NKAIN2: variants seen among roughly 807,000 people sequenced by gnomAD.
NKAIN2 encodes sodium/potassium-transporting ATPase subunit beta-1-interacting protein 2.
Under a neutral mutation model 32.6 loss-of-function variants are expected in NKAIN2, and 14 were observed. The ratio of observed to expected loss-of-function variants is 0.43; its 90% CI spans 0.28 to 0.67. The LOEUF (loss-of-function observed/expected upper bound fraction) is 0.67. NKAIN2 is among the 30% of genes least tolerant of loss of function. NKAIN2 has a pLI of 0.17. For missense variants in NKAIN2, 198 were observed against 258.3 expected, an observed-to-expected ratio of 0.77 and a Z score of 1.60; for synonymous variants, 80 against 87.2, an observed-to-expected ratio of 0.92 and a Z score of 0.46.
intron 1 of NKAIN2, among the ~76,000 whole-genome samples, chr6:124,127,386 C>G (rs1786226170): frequency 6.6e-6 from 1 of 152,124 alleles, no homozygotes; most frequent in Non-Finnish European, 1.5e-5. Context: ...TTCTTAGAAC[C>G]TGCTTCATGA....
At chr6:124,450,946 A>G (rs1479921980) in intron 3 of NKAIN2, among the ~76,000 whole-genome samples, 1 of 152,102 alleles carries the variant, frequency 6.6e-6, no homozygotes, top group Non-Finnish European at 1.5e-5. Flanking sequence ...AGATAATGTA[A>G]AAGTCAGTAA....
intron 4 of NKAIN2, among the ~76,000 whole-genome samples, chr6:124,704,907 T>G (rs990938930): frequency 6.6e-6 from 1 of 151,942 alleles, no homozygotes; most frequent in Non-Finnish European, 1.5e-5. Flanking sequence ...GAAAAACCAA[T>G]TAACAATAAA....
At chr6:123,979,874 A>G (rs1378451050) in intron 1 of NKAIN2, among the ~76,000 whole-genome samples, 1 of 147,906 alleles carries the variant, frequency 6.8e-6, no homozygotes, top group Non-Finnish European at 1.5e-5. Flanking sequence ...GTTTGTGTCT[A>G]CCTTGTTTTT....
At chr6:124,276,598 T>G (rs1226757271) in intron 1 of NKAIN2, among the ~76,000 whole-genome samples, 3 of 152,144 alleles carry the variant, frequency 2.0e-5, no homozygotes, top group African/African-American at 7.2e-5. Context: ...TTCTCATTGA[T>G]CTTGTCCACT....
chr6:123,977,924 T>C (rs1156309169), intron 1 of NKAIN2, among the ~76,000 whole-genome samples: 1 of 152,164 alleles, frequency 6.6e-6, no homozygotes, highest in Non-Finnish European at 1.5e-5. Flanking sequence ...AGGGAGATTT[T>C]TAAAGAGTGT....
At chr6:124,545,815 A>G (rs1334361329) in intron 3 of NKAIN2, among the ~76,000 whole-genome samples, 1 of 152,100 alleles carries the variant, frequency 6.6e-6, no homozygotes, top group Non-Finnish European at 1.5e-5. Flanking sequence ...CTTACCCACA[A>G]TGCAACTACA....
intron 1 of NKAIN2, among the ~76,000 whole-genome samples, chr6:124,241,463 G>A (rs184343058): frequency 6.6e-6 from 1 of 152,238 alleles, no homozygotes; most frequent in East Asian, 1.9e-4. Context: ...GAACAAAGCT[G>A]GAGGCATCAC....
chr6:124,455,058 A>G (rs1468623434), intron 3 of NKAIN2, among the ~76,000 whole-genome samples: 1 of 152,100 alleles, frequency 6.6e-6, no homozygotes, highest in African/African-American at 2.4e-5. Context: ...TCAAACATGC[A>G]TGATCATCTT....
chr6:124,424,002 T>A (rs964884836), intron 3 of NKAIN2, among the ~76,000 whole-genome samples: 1 of 152,236 alleles, frequency 6.6e-6, no homozygotes, highest in Admixed American at 6.5e-5. Context: ...TTAACTTTTT[T>A]ATTTTTTTGA....
At chr6:124,023,562 T>A (rs536198939) in intron 1 of NKAIN2, among the ~76,000 whole-genome samples, 1 of 152,314 alleles carries the variant, frequency 6.6e-6, no homozygotes, top group East Asian at 1.9e-4. Flanking sequence ...TGTTAACTCA[T>A]TGATGTTTAT....
intron 4 of NKAIN2, among the ~76,000 whole-genome samples, chr6:124,775,926 TCAAGGC>T (rs1175354078): frequency 2.0e-5 from 3 of 152,036 alleles, no homozygotes; most frequent in Non-Finnish European, 2.9e-5. Flanking sequence ...GTCCAAAGGG[TCAAGGC>T]CAAGGGCAGC....
chr6:124,635,617 A>G (rs1333520370), intron 3 of NKAIN2, among the ~76,000 whole-genome samples: 1 of 152,060 alleles, frequency 6.6e-6, no homozygotes, highest in Non-Finnish European at 1.5e-5. Context: ...AATACATTCT[A>G]TGGAAACCAA....
At chr6:124,740,403 C>A (rs1055427286) in intron 4 of NKAIN2, among the ~76,000 whole-genome samples, 43 of 146,894 alleles carry the variant, frequency 2.9e-4, no homozygotes, top group African/African-American at 1.1e-3. Flanking sequence ...CATATTTCAG[C>A]GAAGGAGACA....
intron 1 of NKAIN2, among the ~76,000 whole-genome samples, chr6:123,853,932 C>G (rs539591597): frequency 6.6e-6 from 1 of 152,002 alleles, no homozygotes; most frequent in Non-Finnish European, 1.5e-5. Flanking sequence ...ACCACCACAC[C>G]CGGCTAATTT....
intron 3 of NKAIN2, among the ~76,000 whole-genome samples, chr6:124,552,335 G>A (rs957493753): frequency 6.6e-6 from 1 of 152,194 alleles, no homozygotes; most frequent in Non-Finnish European, 1.5e-5. Flanking sequence ...GCCGATGCTG[G>A]ACACAGAGCA....
intron 1 of NKAIN2, among the ~76,000 whole-genome samples, chr6:124,026,556 A>G (rs1377417104): frequency 6.6e-6 from 1 of 152,174 alleles, no homozygotes; most frequent in Non-Finnish European, 1.5e-5. Flanking sequence ...AGGGATGACA[A>G]ATCTGGGATA....
At chr6:124,520,253 TCTTA>T (rs1330775879) in intron 3 of NKAIN2, among the ~76,000 whole-genome samples, 4 of 152,094 alleles carry the variant, frequency 2.6e-5, no homozygotes, top group Non-Finnish European at 5.9e-5. Flanking sequence ...CTAAACCCCT[TCTTA>T]CTTTTGTTTG....
chr6:124,421,859 C>T (rs551968670), intron 3 of NKAIN2, among the ~76,000 whole-genome samples: 12 of 152,096 alleles, frequency 7.9e-5, no homozygotes, highest in African/African-American at 2.9e-4. Flanking sequence ...AACGTATGTC[C>T]GGCGTGATTT....
intron 3 of NKAIN2, among the ~76,000 whole-genome samples, chr6:124,545,616 C>G (rs1290912833): frequency 2.0e-5 from 3 of 151,180 alleles, no homozygotes; most frequent in Non-Finnish European, 4.4e-5. Flanking sequence ...ATAAATAATG[C>G]AGAAAGAATA....
Sources: gnomAD v4.1 joint callset for allele counts (sites outside exome capture counted in the v4.1 genomes callset) on GRCh38, gnomAD v4.1.1 for gene constraint, MANE v1.5 for transcripts, NCBI Gene and HGNC (gene_info 2026-07-23, HGNC 2026-07-21) for gene names.